Variants in ZNF423 observed in about 807,000 individuals in gnomAD.
The protein encoded by ZNF423 is Ebf-associated zinc finger protein.
Under a neutral mutation model 95.8 loss-of-function variants are expected in ZNF423, and 12 were observed. That is an observed-to-expected ratio of 0.13 (90% CI 0.08 to 0.20). The LOEUF is 0.20. Among genes scored for constraint, ZNF423 ranks in the 10% least tolerant of loss-of-function variants. The pLI is 1.00. For synonymous variants in ZNF423, 749 were observed against 711.9 expected, an observed-to-expected ratio of 1.05 and a Z score of -0.83; for missense variants, 1,316 against 1,737.1, an observed-to-expected ratio of 0.76 and a Z score of 4.31.
intron 2 of ZNF423, among the ~76,000 whole-genome samples, chr16:49,732,768 G>C (rs571890477): frequency 6.6e-6 from 1 of 152,336 alleles, no homozygotes; most frequent in Non-Finnish European, 1.5e-5. Context: ...TATTTCTCCT[G>C]TCTGCACAGA....
Position 49,733,183 on chromosome 16 carries a change from C to T in ZNF423, c.101-2212G>A, listed in dbSNP as rs966993013. 3.3e-5 allele frequency among the ~76,000 whole-genome samples: 5 copies of T among 150,866 alleles called. No individual in the cohort carries two copies. The East Asian group carries it at 5.8e-4, about 18-fold the overall frequency. On this transcript the variant is annotated intron_variant, in intron 2 of 7. Transcript: ENST00000563137. ...GGTTACACAGTCAAGTGCCCGTCTC[C>T]GAAATTCCTCGTTTACAGTCTTTCC...
chr16:49,748,889 C>T (rs2033578149), intron 2 of ZNF423, among the ~76,000 whole-genome samples: 1 of 152,142 alleles, frequency 6.6e-6, no homozygotes, highest in Non-Finnish European at 1.5e-5. Flanking sequence ...TCCCGGGATA[C>T]CAGGTTCTGA....
chr16:49,541,732 T>C (rs932974535), intron 5 of ZNF423, among the ~76,000 whole-genome samples: 2 of 152,172 alleles, frequency 1.3e-5, no homozygotes, highest in Non-Finnish European at 2.9e-5. Context: ...GTTCCCCCCA[T>C]GCTGTTCTCA....
intron 1 of ZNF423, among the ~76,000 whole-genome samples, chr16:49,841,882 T>C (rs2035185528): frequency 6.6e-6 from 1 of 152,108 alleles, no homozygotes; most frequent in Non-Finnish European, 1.5e-5. Context: ...ACCAAAGGAC[T>C]CACCAAGGGA....
At chr16:49,568,012 C>G (rs1368480828) in intron 5 of ZNF423, among the ~76,000 whole-genome samples, 1 of 152,218 alleles carries the variant, frequency 6.6e-6, no homozygotes, top group Non-Finnish European at 1.5e-5. Context: ...TAATGGCACT[C>G]CTGAATCATA....
intron 3 of ZNF423, among the ~76,000 whole-genome samples, chr16:49,702,489 C>T (rs765252430): frequency 5.9e-5 from 9 of 152,226 alleles, no homozygotes; most frequent in Non-Finnish European, 8.8e-5. Context: ...AATCTTGAGG[C>T]GACCTCACTG....
Position 49,541,808 on chromosome 16 carries a change from T to G in ZNF423, c.3602-16314A>C, listed in dbSNP as rs148652515. On this transcript the variant is annotated intron_variant, in intron 5 of 7. Coordinates refer to ENST00000563137, the MANE Select transcript of ZNF423 (RefSeq NM_001379286.1). ...GCTTCCCCCTATGCTTGGCTCTCATTCTTCTCTTTCCTGCTGCCATGTGAA... is the reference window on the plus strand; with the variant it reads ...GCTTCCCCCTATGCTTGGCTCTCATGCTTCTCTTTCCTGCTGCCATGTGAA... Among the ~76,000 whole-genome samples the G allele has an allele frequency of 6.1e-3, 924 of 152,290 alleles. 10 individuals are homozygous for G. The highest frequency in any genetic ancestry group is 0.022 in the African/African-American group (894 of 41,544).
At chr16:49,688,605 G>T (rs2031660532) in intron 3 of ZNF423, among the ~76,000 whole-genome samples, 1 of 152,352 alleles carries the variant, frequency 6.6e-6, no homozygotes, top group Non-Finnish European at 1.5e-5. Context: ...AGGCCAAGGT[G>T]ACCAAAACAG....
intron 5 of ZNF423, among the ~76,000 whole-genome samples, chr16:49,566,876 A>C (rs1248542543): frequency 6.6e-6 from 1 of 152,060 alleles, no homozygotes; most frequent in Non-Finnish European, 1.5e-5. Flanking sequence ...ACCTTGAGAC[A>C]GGGTAGCCTG....
At chr16:49,834,818 G>C (rs989169300) in intron 1 of ZNF423, among the ~76,000 whole-genome samples, 2 of 151,960 alleles carry the variant, frequency 1.3e-5, no homozygotes, top group African/African-American at 4.8e-5. Flanking sequence ...GATCAGAGCC[G>C]CCGGCTGTGC....
chr16:49,668,766 C>T (rs2030662068), intron 3 of ZNF423, among the ~76,000 whole-genome samples: 1 of 152,178 alleles, frequency 6.6e-6, no homozygotes, highest in Non-Finnish European at 1.5e-5. Flanking sequence ...ACCAGGCCCC[C>T]AGGAGGAAGG....
At chr16:49,792,511 T>C (rs1266602272) in intron 1 of ZNF423, among the ~76,000 whole-genome samples, 2 of 152,208 alleles carry the variant, frequency 1.3e-5, no homozygotes, top group African/African-American at 4.8e-5. Context: ...ACAGGCTTCC[T>C]GGTCCCTCAC....
At position 49,636,855 on chromosome 16, in the gene ZNF423, T is replaced by A; in HGVS notation, c.2321A>T (p.Gln774Leu). 1.2e-6 allele frequency: 2 copies of A among 1,614,056 alleles called. No individual in the cohort carries two copies. The highest frequency in any genetic ancestry group is 1.7e-6 in the Non-Finnish European group (2 of 1,180,020). The change falls in exon 4 of 8, where the codon CAG becomes CTG. Residue 774 changes from glutamine (Q) to leucine (L), a missense_variant. Around this residue, in one of 6 missense-constraint regions of ZNF423, gnomAD observed 620 missense variants for 775.6 expected, o/e 0.80. Transcript: ENST00000563137. This position sits in a 1 kb window ranked among gnomAD's most constrained non-coding sequence, Gnocchi z 8.6. ...CAGGTGGCTGTGTTTGACGTGCACC[T>A]GCAGGTCAGCCTCCTTGCGGAAGTC... Reference protein sequence around the residue: ...NWDFRKEADLQVHVKHSHLGN... With the variant: ...NWDFRKEADLLVHVKHSHLGN...
At chr16:49,716,251 C>T (rs2032702629) in intron 3 of ZNF423, among the ~76,000 whole-genome samples, 2 of 152,144 alleles carry the variant, frequency 1.3e-5, no homozygotes, top group South Asian at 4.1e-4. Context: ...CAACACACCC[C>T]ACCAACCCTC....
At chr16:49,546,370 ACT>A (rs1011244638) in intron 5 of ZNF423, among the ~76,000 whole-genome samples, 18 of 152,032 alleles carry the variant, frequency 1.2e-4, no homozygotes, top group African/African-American at 4.3e-4. Flanking sequence ...TTAAGAAACT[ACT>A]CGGTGGGGTG....
At chr16:49,725,072 C>G (rs1596925692) in intron 3 of ZNF423, among the ~76,000 whole-genome samples, 1 of 152,170 alleles carries the variant, frequency 6.6e-6, no homozygotes, top group Non-Finnish European at 1.5e-5. Flanking sequence ...GCAAGGTCCT[C>G]CAGCTCTCTG....
At position 49,730,843 on chromosome 16, in the gene ZNF423, A is replaced by C; in HGVS notation, c.229T>G (p.Cys77Gly). ...EDMEDESIYTCDHCQQDFESL... is the reference protein window; with the variant it reads ...EDMEDESIYTGDHCQQDFESL... The stretch of plus-strand genomic sequence containing the variant: ...TCGAAGTCCTGCTGACAGTGATCGC[A>C]GGTGTAAATTGATTCATCCTCCATG... The change falls in exon 3 of 8, where the codon TGC becomes GGC. Residue 77 changes from cysteine (C) to glycine (G), a missense_variant. Coordinates refer to ENST00000563137, the MANE Select transcript of ZNF423 (RefSeq NM_001379286.1). 1 of 1,614,112 alleles carries C rather than the reference A, an allele frequency of 6.2e-7. No individual in the cohort carries two copies. The highest frequency in any genetic ancestry group is 8.5e-7 in the Non-Finnish European group (1 of 1,180,026).
intron 2 of ZNF423, among the ~76,000 whole-genome samples, chr16:49,783,623 G>T (rs1421485645): frequency 4.0e-5 from 6 of 149,744 alleles, no homozygotes; most frequent in African/African-American, 1.2e-4. Context: ...GGGATTGGCG[G>T]GAGAGAGGGG....
At chr16:49,685,957 G>A (rs534327766) in intron 3 of ZNF423, among the ~76,000 whole-genome samples, 63 of 152,222 alleles carry the variant, frequency 4.1e-4, no homozygotes, top group Admixed American at 7.2e-4. Context: ...CAAACCTTCC[G>A]TCTGGATGGC....
Sources: gnomAD v4.1 joint callset for allele counts (sites outside exome capture counted in the v4.1 genomes callset) on GRCh38, gnomAD v4.1.1 for gene constraint, gnomAD v4.1.1 regional missense constraint, Gnocchi (gnomAD v3.1) non-coding constraint, MANE v1.5 for transcripts, NCBI Gene and HGNC (gene_info 2026-07-23, HGNC 2026-07-21) for gene names.